Variants in CREM observed in about 807,000 individuals in gnomAD.
The protein encoded by CREM is cAMP responsive element modulator, also known as cAMP-responsive element modulator.
Under a neutral mutation model 37.3 loss-of-function variants are expected in CREM, and 13 were observed. The ratio of observed to expected loss-of-function variants is 0.35; its 90% CI spans 0.23 to 0.55. The LOEUF is 0.55. Among genes scored for constraint, CREM ranks in the 20% least tolerant of loss-of-function variants. CREM has a pLI of 0.88. For missense variants in CREM, 296 were observed against 362.3 expected, an observed-to-expected ratio of 0.82 and a Z score of 1.49; for synonymous variants, 124 against 120.2, an observed-to-expected ratio of 1.03 and a Z score of -0.21.
At chr10:35,199,629 A>G (rs2095323601) in intron 6 of CREM, among the ~76,000 whole-genome samples, 2 of 152,272 alleles carry the variant, frequency 1.3e-5, no homozygotes, top group African/African-American at 4.8e-5. Flanking sequence ...GTTTACAGGC[A>G]TTCTCACTGA....
chr10:35,156,241 CTCTTT>C (rs1189587815), intron 3 of CREM, among the ~76,000 whole-genome samples: 18 of 146,620 alleles, frequency 1.2e-4, no homozygotes, highest in Middle Eastern at 3.5e-3. Flanking sequence ...TCCCGGCCAC[CTCTTT>C]TCTTTTCTTT....
intron 5 of CREM, among the ~76,000 whole-genome samples, chr10:35,182,507 ATTAG>A (rs1046838318): frequency 6.6e-6 from 1 of 151,914 alleles, no homozygotes; most frequent in African/African-American, 2.4e-5. Context: ...CCAATATTTT[ATTAG>A]TTATTTTTAA....
intron 2 of CREM, among the ~76,000 whole-genome samples, chr10:35,139,626 A>G (rs1441156944): frequency 6.6e-6 from 1 of 152,214 alleles, no homozygotes; most frequent in Non-Finnish European, 1.5e-5. Context: ...ATTGTTTAAG[A>G]TTAAAATACT....
intron 6 of CREM, among the ~76,000 whole-genome samples, chr10:35,193,840 C>T (rs1010253164): frequency 3.9e-5 from 6 of 152,032 alleles, no homozygotes; most frequent in African/African-American, 1.4e-4. Flanking sequence ...TGGCTCACAC[C>T]TGTAATCCCA....
Position 35,183,662 on chromosome 10 carries a change from C to A in CREM, c.409+4386C>A, listed in dbSNP as rs181421462. On this transcript the variant is annotated intron_variant, in intron 5 of 7. Transcript: ENST00000685392. Reference sequence around the variant, plus strand: ...TTTGCTGCTGTTTTTAAAGTTAATGCAGTGAGATTTCATTTATGAATCTTT... The same window carrying A: ...TTTGCTGCTGTTTTTAAAGTTAATGAAGTGAGATTTCATTTATGAATCTTT... Among the ~76,000 whole-genome samples the A allele has an allele frequency of 7.5e-4, 114 of 152,330 alleles. 1 individual carries two copies. Among genetic ancestry groups the A allele is most frequent in the African/African-American group, 2.5e-3 (106 of 41,588 alleles).
At chr10:35,167,205 ATTC>A (rs756452471) in intron 3 of CREM, among the ~76,000 whole-genome samples, 140 of 152,330 alleles carry the variant, frequency 9.2e-4, no homozygotes, top group Non-Finnish European at 1.6e-3. Context: ...GATTTATAAT[ATTC>A]TTATTATTTT....
chr10:35,168,262 T>A (rs1210436824), intron 3 of CREM, among the ~76,000 whole-genome samples: 1 of 152,212 alleles, frequency 6.6e-6, no homozygotes, highest in Non-Finnish European at 1.5e-5. Context: ...CCAGCACCTG[T>A]TGTTTCCTGA....
intron 3 of CREM, among the ~76,000 whole-genome samples, chr10:35,155,629 TTC>T (rs1386731839): frequency 0.016 from 323 of 20,316 alleles, 2 homozygotes; most frequent in African/African-American, 0.018. Flanking sequence ...TTCTTTTCTT[TTC>T]TTTTTTTTTT....
chr10:35,156,994 A>C (rs2092955683), intron 3 of CREM, among the ~76,000 whole-genome samples: 1 of 152,206 alleles, frequency 6.6e-6, no homozygotes, highest in Non-Finnish European at 1.5e-5. Context: ...AAAAATCCTT[A>C]ACAAAATACT....
intron 3 of CREM, chr10:35,152,309 A>T (rs933183856): frequency 6.6e-6 from 1 of 152,252 alleles, no homozygotes; most frequent in African/African-American, 2.4e-5. Context: ...TATACTATGA[A>T]AATCATCAGA....
chr10:35,132,460 A>C (rs1342900634), intron 1 of CREM, among the ~76,000 whole-genome samples: 2 of 152,222 alleles, frequency 1.3e-5, no homozygotes, highest in African/African-American at 4.8e-5. Flanking sequence ...TTACTTAAAT[A>C]ATAACAGGTG....
intron 7 of CREM, among the ~76,000 whole-genome samples, chr10:35,207,398 AAAT>A (rs2095555034): frequency 1.3e-5 from 2 of 152,020 alleles, no homozygotes; most frequent in Admixed American, 1.3e-4. Context: ...CATCTCAAAA[AAAT>A]AATAAAACAA....
chr10:35,153,354 A>T (rs2092708852), intron 3 of CREM, among the ~76,000 whole-genome samples: 1 of 152,214 alleles, frequency 6.6e-6, no homozygotes, highest in Non-Finnish European at 1.5e-5. Flanking sequence ...GATCTCAGAC[A>T]TCATGTCATT....
Position 35,137,800 on chromosome 10 carries a change from GA to G in CREM, c.-33del. The G allele has an allele frequency of 6.7e-7, 1 of 1,493,426 alleles. No homozygotes were observed. The highest frequency in any genetic ancestry group is 2.1e-5 in the Admixed American group (1 of 48,070). The allele number at this position is 1,493,426 out of a possible 1,614,324, so 92.5% of individuals were successfully genotyped here. On this transcript the variant is annotated 5_prime_UTR_variant, in exon 2 of 8. Transcript: ENST00000685392. ...ACTGCAGGATAAATAAAGAAAACAG[GA>G]AAGGAGGAAAGCATTGATTACAAAT...
intron 2 of CREM, among the ~76,000 whole-genome samples, chr10:35,145,922 C>G (rs879269005): frequency 2.0e-5 from 3 of 151,896 alleles, no homozygotes; most frequent in African/African-American, 4.8e-5. Context: ...AAGTTTGATT[C>G]ACTAGGTTTG....
intron 1 of CREM, among the ~76,000 whole-genome samples, chr10:35,131,621 A>G (rs2089399286): frequency 6.6e-6 from 1 of 152,206 alleles, no homozygotes; most frequent in African/African-American, 2.4e-5. Context: ...CTGGAGGAGT[A>G]AAATTAGGCA....
At chr10:35,194,741 GT>G (rs33981809) in intron 6 of CREM, among the ~76,000 whole-genome samples, 5,671 of 144,652 alleles carry the variant, frequency 0.039, 347 homozygotes, top group African/African-American at 0.13. Context: ...TAGTCAATGT[GT>G]TTTTTTTTTT....
At chr10:35,203,116 A>G (rs1488716305) in intron 6 of CREM, among the ~76,000 whole-genome samples, 4 of 151,634 alleles carry the variant, frequency 2.6e-5, no homozygotes, top group African/African-American at 9.7e-5. Flanking sequence ...GTGCAGTAGC[A>G]TAATAACGGC....
At chr10:35,203,058 CTT>C (rs1012721984) in intron 6 of CREM, among the ~76,000 whole-genome samples, 1 of 146,050 alleles carries the variant, frequency 6.8e-6, no homozygotes. Flanking sequence ...TGCTTTTTTC[CTT>C]TTTTTTTTTC....
Sources: gnomAD v4.1 joint callset for allele counts (sites outside exome capture counted in the v4.1 genomes callset) on GRCh38, gnomAD v4.1.1 for gene constraint, MANE v1.5 for transcripts, NCBI Gene and HGNC (gene_info 2026-07-23, HGNC 2026-07-21) for gene names.